NUP205: variants seen among roughly 807,000 people sequenced by gnomAD.
NUP205 encodes the protein nucleoporin 205, also known as nuclear pore complex protein Nup205.
NUP205 carries 76 observed loss-of-function variants against 253.8 expected under a neutral mutation model. That is an observed-to-expected ratio of 0.30 (90% CI 0.25 to 0.36). NUP205 has a LOEUF of 0.36. Among genes scored for constraint, NUP205 ranks in the 10% least tolerant of loss-of-function variants. The pLI is 1.00. For missense variants in NUP205, 2,162 were observed against 2,425.5 expected (o/e 0.89, Z 2.28); for synonymous variants, 832 against 850.1 (o/e 0.98, Z 0.37).
chr7:135,573,372 G>T (rs986223763), intron 2 of NUP205, among the ~76,000 whole-genome samples: 2 of 152,090 alleles, frequency 1.3e-5, no homozygotes, highest in Middle Eastern at 3.4e-3. Flanking sequence ...GAAAAGTTCT[G>T]TAGAAACTTG....
chr7:135,574,554 G>T (rs1317195011), intron 3 of NUP205, among the ~76,000 whole-genome samples: 1 of 152,118 alleles, frequency 6.6e-6, no homozygotes, highest in Admixed American at 6.5e-5. Flanking sequence ...GAATAAAGGC[G>T]TGTTTAAGGA....
intron 35 of NUP205, among the ~76,000 whole-genome samples, chr7:135,632,621 G>A (rs1010778415): frequency 1.3e-5 from 2 of 151,970 alleles, no homozygotes; most frequent in Non-Finnish European, 2.9e-5. Context: ...GTTACTTGGA[G>A]CCTGTGCTTC....
In NUP205 at chr7:135,616,016, G is replaced by C. The variant is rs1231636679; in HGVS notation, c.3411G>C (p.Gln1137His). The stretch of plus-strand genomic sequence containing the variant: ...TGAATCGTCAGCGGTCACATACCCA[G>C]AGGCTCCTACACCTCTTACTGGATG... ...TSLNRQRSHT[Q>H]RLLHLLLDDM... The change falls in exon 24 of 43, where the codon CAG becomes CAC. Residue 1137 changes from glutamine (Q) to histidine (H), a missense_variant. By Grantham distance (24) the Gln-to-His change is conservative. Coordinates refer to ENST00000285968, the MANE Select transcript of NUP205 (RefSeq NM_015135.3). The C allele has an allele frequency of 6.2e-6, 10 of 1,613,900 alleles. No homozygotes were observed. Among genetic ancestry groups the C allele is most frequent in the African/African-American group, 1.3e-5 (1 of 75,036 alleles).
rs1794681373 is a variant in NUP205 at position 135,630,275 on chromosome 7, T to C, written c.4933-69T>C. 3 of 1,139,590 alleles carry C rather than the reference T, an allele frequency of 2.6e-6. No individual in the cohort carries two copies. In the African/African-American group the frequency reaches 4.8e-5, roughly 18 times the overall value. 70.6% of individuals were successfully genotyped at this position (1,139,590 alleles called of 1,614,324 possible). On this transcript the variant is annotated intron_variant, in intron 34 of 42. Transcript: ENST00000285968. ...CCTTCAACATTATTTATAAAATGAA[T>C]TATGCATTTATATATAATTTTCTAC...
chr7:135,630,324 C>A lies in NUP205; in HGVS notation c.4933-20C>A. ...ACTTCTACCTGTTTTTTCTATTCCT[C>A]TTCCTTTTCAATGGCTTAGGTATTG... On this transcript the variant is annotated intron_variant, in intron 34 of 42. Transcript: ENST00000285968. The A allele has an allele frequency of 6.5e-7, 1 of 1,531,208 alleles. No individual in the cohort carries two copies. The highest frequency in any genetic ancestry group is 1.2e-5 in the South Asian group (1 of 80,698). The allele number at this position is 1,531,208 out of a possible 1,614,324, so 94.9% of individuals were successfully genotyped here.
At chr7:135,607,148 C>T in intron 21 of NUP205, 99 bp from the exon 22 acceptor site, 1 of 1,415,478 alleles carries the variant, frequency 7.1e-7, no homozygotes, top group Non-Finnish European at 9.7e-7. Context: ...GTTTACAGTA[C>T]AGCATATATT....
chr7:135,633,962 C>T (rs1048843221), intron 35 of NUP205, among the ~76,000 whole-genome samples: 21 of 152,260 alleles, frequency 1.4e-4, no homozygotes, highest in African/African-American at 3.8e-4. Flanking sequence ...TTGTCTTAAA[C>T]GCTCCCATTA....
intron 3 of NUP205, among the ~76,000 whole-genome samples, chr7:135,574,135 G>A (rs985080238): frequency 1.4e-4 from 21 of 152,040 alleles, no homozygotes; most frequent in African/African-American, 3.4e-4. Flanking sequence ...ACCATGCCCG[G>A]CTATCCTTTC....
chr7:135,570,331 CAGCCTCCCAAGTAGCTGGGA>C (rs1805921872), intron 1 of NUP205, among the ~76,000 whole-genome samples: 1 of 151,870 alleles, frequency 6.6e-6, no homozygotes, highest in Admixed American at 6.6e-5. Context: ...TCTCCTGTCC[CAGCCTCCCAAGTAGCTGGGA>C]CTACATGTGC....
intron 14 of NUP205, 135 bp downstream of exon 14, chr7:135,597,553 C>A (rs1793870722): frequency 1.7e-6 from 1 of 592,212 alleles, no homozygotes; most frequent in Non-Finnish European, 2.9e-6. Context: ...GTTTTCTGAT[C>A]AGTGTTGAAA....
chr7:135,614,631 C>G (rs1300890268), intron 23 of NUP205, among the ~76,000 whole-genome samples: 4 of 151,894 alleles, frequency 2.6e-5, no homozygotes, highest in African/African-American at 9.7e-5. Context: ...AAAAAAAATC[C>G]TGGTTTATTT....
rs753095101 is a variant in NUP205 at position 135,587,555 on chromosome 7, ATATC to A, written c.1219-17_1219-14del. ...TACAATACATTTACATATTAAAACTATATCTAATAAATTTAATAGGTGAAACAGC... is the reference window on the plus strand; with the variant it reads ...TACAATACATTTACATATTAAAACTATAATAAATTTAATAGGTGAAACAGC... On this transcript the variant is annotated splice_polypyrimidine_tract_variant and intron_variant, in intron 8 of 42. Coordinates refer to ENST00000285968, the MANE Select transcript of NUP205 (RefSeq NM_015135.3). 58 of 1,452,764 alleles carry A rather than the reference ATATC, an allele frequency of 4.0e-5. No homozygotes were observed. Among genetic ancestry groups the A allele is most frequent in the South Asian group, 1.7e-4 (14 of 80,602 alleles). 90.0% of individuals were successfully genotyped at this position (1,452,764 alleles called of 1,614,324 possible).
rs1442673175 is a variant in NUP205 at position 135,601,407 on chromosome 7, T to G, written c.2412T>G (p.Ser804Arg). ...TAGCCTATAAGCCACCTGGATTTAG[T>G]CTGATGTATCATCTGCTGAATGAGT... ...EIIAYKPPGF[S>R]LMYHLLNESP... is the part of the protein sequence containing the mutation. Residue 804 changes from serine (S) to arginine (R), a missense_variant, in exon 17 of 43, where the codon AGT (serine) becomes AGG (arginine). Physicochemically the swap from Ser to Arg is moderately radical, Grantham distance 110. Transcript: ENST00000285968. 4.3e-6 allele frequency: 7 copies of G among 1,613,754 alleles called. No homozygotes were observed. The highest frequency in any genetic ancestry group is 5.9e-6 in the Non-Finnish European group (7 of 1,179,726).
rs1397281519 is a variant in NUP205 at position 135,607,328 on chromosome 7, T to C, written c.3152T>C (p.Val1051Ala). 6.2e-7 allele frequency: 1 copy of C among 1,614,112 alleles called. No individual in the cohort carries two copies. Among genetic ancestry groups the C allele is most frequent in the Non-Finnish European group, 8.5e-7 (1 of 1,179,964 alleles). Residue 1051 changes from valine to alanine, a missense_variant, in exon 22 of 43, where the codon GTG (valine) becomes GCG (alanine). By Grantham distance (64) the Val-to-Ala change is moderately conservative. Transcript: ENST00000285968. ...EKGTEGRTGPVAVRESPQLAE... is the reference protein window; with the variant it reads ...EKGTEGRTGPAAVRESPQLAE... ...GGAACGGAAGGGAGAACAGGCCCAG[T>C]GGCGGTGCGAGAATCTCCTCAGCTG...
At chr7:135,561,937 TTCCC>T (rs897798107) in intron 1 of NUP205, among the ~76,000 whole-genome samples, 1 of 151,724 alleles carries the variant, frequency 6.6e-6, no homozygotes, top group Non-Finnish European at 1.5e-5. Context: ...CCTTCCTTCC[TTCCC>T]TCCCTCCCTC....
Position 135,637,916 on chromosome 7 carries a change from T to G in NUP205, c.5137-15T>G, listed in dbSNP as rs3800760. The stretch of plus-strand genomic sequence containing the variant: ...AATTTTAAATACATTTAACAAGATA[T>G]CTTTTTCTTGTTAGCGCCAGTGCTT... On this transcript the variant is annotated splice_polypyrimidine_tract_variant and intron_variant, in intron 36 of 42. Transcript: ENST00000285968. 7.5e-6 allele frequency: 12 copies of G among 1,595,522 alleles called. No homozygotes were observed. In the Admixed American group the frequency reaches 9.2e-5, roughly 12 times the overall value.
At chr7:135,575,601 C>T (rs1447683503) in intron 3 of NUP205, among the ~76,000 whole-genome samples, 1 of 152,162 alleles carries the variant, frequency 6.6e-6, no homozygotes, top group African/African-American at 2.4e-5. Context: ...TCAAGACCAG[C>T]GTGGTCAACA....
rs1794863856 is a variant in NUP205, at chr7:135,638,694, T to G, written c.5392+11T>G. ...ATGGACCGCGGCAAGGTGAGCTTAG[T>G]TTTTCATTCTGTATTGAAGGAACTA... On this transcript the variant is annotated intron_variant, in intron 38 of 42. Transcript: ENST00000285968. 6.2e-7 allele frequency: 1 copy of G among 1,614,018 alleles called. No individual in the cohort carries two copies. The highest frequency in any genetic ancestry group is 8.5e-7 in the Non-Finnish European group (1 of 1,179,988).
chr7:135,572,424 G>A (rs1470035075), intron 2 of NUP205, among the ~76,000 whole-genome samples: 2 of 152,280 alleles, frequency 1.3e-5, no homozygotes, highest in South Asian at 2.1e-4. Flanking sequence ...TATTATGTAA[G>A]TTGTGTTAAT....
Sources: gnomAD v4.1 joint callset for allele counts (sites outside exome capture counted in the v4.1 genomes callset) on GRCh38, gnomAD v4.1.1 for gene constraint, MANE v1.5 for transcripts, NCBI Gene and HGNC (gene_info 2026-07-23, HGNC 2026-07-21) for gene names.